CCDC178: variants seen among roughly 807,000 people sequenced by gnomAD.
The protein encoded by CCDC178 is coiled-coil domain-containing protein 178.
CCDC178 carries 126 observed loss-of-function variants against 117.4 expected under a neutral mutation model. The observed-to-expected ratio is 1.07, with a 90% CI of 0.93 to 1.24. CCDC178 has a LOEUF of 1.24. CCDC178 is among the 50% of genes most tolerant of loss of function. CCDC178 has a pLI of 0.00. For synonymous variants in CCDC178, 283 were observed against 313.4 expected, an observed-to-expected ratio of 0.90 and a Z score of 1.02; for missense variants, 1,030 against 986.9, an observed-to-expected ratio of 1.04 and a Z score of -0.59.
chr18:33,292,977 G>A (rs1394786190), intron 12 of CCDC178, among the ~76,000 whole-genome samples, 182 bp downstream of exon 12: 2 of 151,876 alleles, frequency 1.3e-5, no homozygotes, highest in African/African-American at 4.8e-5. Flanking sequence ...ATAATAAATG[G>A]GTCCTGTTTC....
intron 21 of CCDC178, among the ~76,000 whole-genome samples, chr18:32,992,306 G>C (rs986673796): frequency 3.9e-5 from 6 of 152,066 alleles, no homozygotes; most frequent in Admixed American, 6.5e-5. Context: ...TATAAAATGG[G>C]ATAAACTTTC....
chr18:33,412,768 A>C (rs1482551061), intron 2 of CCDC178, among the ~76,000 whole-genome samples: 1 of 152,180 alleles, frequency 6.6e-6, no homozygotes, highest in Admixed American at 6.5e-5. Flanking sequence ...ATCACTAAAC[A>C]TATTTTGTGT....
chr18:33,384,120 G>A (rs1402486951), intron 5 of CCDC178, among the ~76,000 whole-genome samples: 1 of 152,050 alleles, frequency 6.6e-6, no homozygotes, highest in Non-Finnish European at 1.5e-5. Context: ...ATCAGAGCTT[G>A]AAGACTATCT....
At chr18:33,078,535 G>A (rs572354763) in intron 21 of CCDC178, among the ~76,000 whole-genome samples, 6 of 152,234 alleles carry the variant, frequency 3.9e-5, no homozygotes, top group Admixed American at 1.3e-4. Flanking sequence ...AGGAAACCCC[G>A]TAGTCTTGGC....
At chr18:33,187,841 C>T (rs1185239769) in intron 20 of CCDC178, among the ~76,000 whole-genome samples, 1 of 152,088 alleles carries the variant, frequency 6.6e-6, no homozygotes, top group Non-Finnish European at 1.5e-5. Context: ...GCTAGAACTT[C>T]CTTGGTATGT....
intron 19 of CCDC178, among the ~76,000 whole-genome samples, chr18:33,213,170 T>G (rs957936783): frequency 3.9e-5 from 6 of 151,974 alleles, no homozygotes; most frequent in African/African-American, 1.4e-4. Context: ...TTGTGTAAGC[T>G]CAACTAGTTG....
At chr18:33,239,503 TAAA>T (rs201337183) in intron 15 of CCDC178, among the ~76,000 whole-genome samples, 9 of 135,360 alleles carry the variant, frequency 6.6e-5, no homozygotes, top group Admixed American at 1.5e-4. Context: ...GTGACGTGGT[TAAA>T]AAAAAAAAAA....
At chr18:33,083,542 C>CT (rs897676772) in intron 21 of CCDC178, among the ~76,000 whole-genome samples, 14 of 152,154 alleles carry the variant, frequency 9.2e-5, no homozygotes, top group Non-Finnish European at 1.8e-4. Context: ...TTTTCCTTTC[C>CT]TTTTTTGTTT....
At chr18:33,219,361 A>T (rs2059204394) in intron 18 of CCDC178, among the ~76,000 whole-genome samples, 1 of 152,182 alleles carries the variant, frequency 6.6e-6, no homozygotes, top group Non-Finnish European at 1.5e-5. Flanking sequence ...TGTGGAAGAC[A>T]GTGTGGCAAT....
intron 14 of CCDC178, among the ~76,000 whole-genome samples, chr18:33,249,011 T>C (rs2059584807): frequency 6.6e-6 from 1 of 152,168 alleles, no homozygotes; most frequent in Non-Finnish European, 1.5e-5. Context: ...ATTTCTCTGA[T>C]GGCCAGTGAT....
At chr18:33,415,993 C>T (rs2063934918) in intron 2 of CCDC178, among the ~76,000 whole-genome samples, 1 of 152,140 alleles carries the variant, frequency 6.6e-6, no homozygotes, top group African/African-American at 2.4e-5. Context: ...ACCAGCAACC[C>T]AGAAATGCCA....
chr18:33,058,493 C>A (rs566977841), intron 21 of CCDC178, among the ~76,000 whole-genome samples: 1 of 152,086 alleles, frequency 6.6e-6, no homozygotes, highest in African/African-American at 2.4e-5. Flanking sequence ...ATGCTAGAGA[C>A]AGAAATAGTA....
intron 3 of CCDC178, among the ~76,000 whole-genome samples, chr18:33,402,677 C>T (rs2063724913): frequency 6.6e-6 from 1 of 152,206 alleles, no homozygotes; most frequent in African/African-American, 2.4e-5. Context: ...ACATATTACA[C>T]TTATCTATTC....
intron 21 of CCDC178, among the ~76,000 whole-genome samples, chr18:33,068,172 G>A (rs576911613): frequency 1.3e-5 from 2 of 152,154 alleles, no homozygotes; most frequent in Admixed American, 1.3e-4. Flanking sequence ...TGAATCAGTA[G>A]TAAAAAGTCT....
chr18:32,952,721 G>A (rs993749860), intron 22 of CCDC178, among the ~76,000 whole-genome samples: 1 of 151,892 alleles, frequency 6.6e-6, no homozygotes, highest in African/African-American at 2.4e-5. Flanking sequence ...TTTCTCCCCA[G>A]GGAATGTGTT....
chr18:33,291,249 C>T (rs1256052549), intron 12 of CCDC178, among the ~76,000 whole-genome samples: 1 of 152,136 alleles, frequency 6.6e-6, no homozygotes, highest in African/African-American at 2.4e-5. Flanking sequence ...CTACATTAAA[C>T]TGAAACGTCT....
rs150820310 is a variant in CCDC178, at chr18:32,983,724, T to C, written c.2389-9043A>G. Among the ~76,000 whole-genome samples, 156 of 152,194 alleles carry C rather than the reference T, an allele frequency of 1.0e-3. 4 individuals carry two copies. The East Asian group carries it at 0.028, about 27-fold the overall frequency. ...AATTTCAATCTGCTTGTTGTAAGTT[T>C]TCACATACTGAAAGCACACTGCGTT... On this transcript the variant is annotated intron_variant, in intron 21 of 22. Transcript: ENST00000383096.
At chr18:33,423,802 T>C (rs1012775574) in intron 2 of CCDC178, among the ~76,000 whole-genome samples, 2 of 152,190 alleles carry the variant, frequency 1.3e-5, no homozygotes, top group African/African-American at 4.8e-5. Flanking sequence ...CACAAATAAT[T>C]ACTAGAGTTA....
chr18:33,227,534 G>A (rs1000185830), intron 15 of CCDC178, among the ~76,000 whole-genome samples: 20 of 52,468 alleles, frequency 3.8e-4, no homozygotes, highest in South Asian at 1.0e-3. Context: ...ATATATGTAT[G>A]TGTGTGTGTG....
Sources: allele counts gnomAD v4.1 joint callset (sites outside exome capture counted in the v4.1 genomes callset), GRCh38; gene constraint gnomAD v4.1.1; transcripts MANE v1.5; gene names NCBI Gene and HGNC (gene_info 2026-07-23, HGNC 2026-07-21).